The following RARS2 variants were observed in gnomAD, a reference collection of about 807,000 sequenced individuals.
RARS2 encodes the protein arginyl-tRNA synthetase 2, mitochondrial, also known as probable arginine--tRNA ligase, mitochondrial.
RARS2 carries 67 observed loss-of-function variants against 88.5 expected under a neutral mutation model. The ratio of observed to expected loss-of-function variants is 0.76; its 90% CI spans 0.62 to 0.93. RARS2 has a LOEUF of 0.93. Among genes scored for constraint, RARS2 ranks in the 40% least tolerant of loss-of-function variants. The pLI, the probability that RARS2 is intolerant of heterozygous loss-of-function variation, is 0.00. For synonymous variants in RARS2, 239 were observed against 230.3 expected (o/e 1.04, Z -0.34); for missense variants, 664 against 684.2 (o/e 0.97, Z 0.33).
chr6:87,516,552 C>T (rs1582240872), intron 18 of RARS2, among the ~76,000 whole-genome samples: 1 of 152,360 alleles, frequency 6.6e-6, no homozygotes, highest in East Asian at 1.9e-4. Flanking sequence ...CTCTTACGTT[C>T]ACTCTAACAT....
At chr6:87,524,739 G>A in intron 10 of RARS2, 87 bp from the exon 11 acceptor site, 8 of 1,007,458 alleles carry the variant, frequency 7.9e-6, no homozygotes, top group Non-Finnish European at 1.2e-5. Context: ...CAAACCAGAA[G>A]CTATTTTTAT....
intron 1 of RARS2, among the ~76,000 whole-genome samples, chr6:87,586,667 T>C (rs1003731909): frequency 6.6e-6 from 1 of 152,250 alleles, no homozygotes; most frequent in Non-Finnish European, 1.5e-5. Flanking sequence ...GACTAATTAA[T>C]CAAAGTTAGC....
At chr6:87,516,015 T>C (rs1025316401) in intron 18 of RARS2, 3 of 151,436 alleles carry the variant, frequency 2.0e-5, no homozygotes, top group African/African-American at 7.3e-5. Flanking sequence ...TTAAGTGTCA[T>C]TTAAAGGAAG....
intron 4 of RARS2, among the ~76,000 whole-genome samples, chr6:87,559,060 A>G (rs1786949512): frequency 6.6e-6 from 1 of 152,210 alleles, no homozygotes; most frequent in Non-Finnish European, 1.5e-5. Flanking sequence ...CTTTTAACAA[A>G]AAAGTCTAAA....
chr6:87,519,591 G>A lies in RARS2; in HGVS notation c.1229C>T (p.Ser410Leu), dbSNP rs753129516. 5.0e-6 allele frequency: 8 copies of A among 1,612,180 alleles called. No individual in the cohort carries two copies. In the South Asian group the frequency reaches 8.8e-5, roughly 18 times the overall value. The stretch of plus-strand genomic sequence containing the variant: ...GAAAAAACTGAATTCACTCTTAATT[G>A]AAGCCATGTTCTGTAGCATCCTTAA... ...IQLRMLQNMA[S>L]IKTTKELKNP... Residue 410 changes from serine (S) to leucine (L), a missense_variant, in exon 14 of 20, where the codon TCA (serine) becomes TTA (leucine). Ser to Leu is a moderately radical substitution (Grantham distance 145). Transcript: ENST00000369536.
chr6:87,575,900 G>C (rs912071996), intron 1 of RARS2, among the ~76,000 whole-genome samples: 1 of 150,494 alleles, frequency 6.6e-6, no homozygotes, highest in Non-Finnish European at 1.5e-5. Flanking sequence ...TGCAACCTCT[G>C]CCTCCTGGGT....
intron 5 of RARS2, among the ~76,000 whole-genome samples, chr6:87,553,226 G>A (rs2128138540): frequency 6.6e-6 from 1 of 151,904 alleles, no homozygotes; most frequent in African/African-American, 2.4e-5. Flanking sequence ...GAGAGAGAGA[G>A]ATGCCTGGCT....
intron 1 of RARS2, among the ~76,000 whole-genome samples, chr6:87,574,849 A>G (rs919210275): frequency 2.0e-5 from 3 of 152,200 alleles, no homozygotes; most frequent in African/African-American, 4.8e-5. Flanking sequence ...ATTAAGAAAC[A>G]TAACAGTATA....
At chr6:87,578,162 T>C (rs1337510580) in intron 1 of RARS2, among the ~76,000 whole-genome samples, 2 of 149,616 alleles carry the variant, frequency 1.3e-5, no homozygotes, top group Admixed American at 6.7e-5. Context: ...CAAAACAGCA[T>C]TTCAGTAATG....
chr6:87,517,872 A>C (rs913846877), intron 17 of RARS2, among the ~76,000 whole-genome samples: 9 of 152,276 alleles, frequency 5.9e-5, no homozygotes, highest in South Asian at 4.2e-4. Flanking sequence ...TTCTCAAACT[A>C]AAACTAAAAA....
rs546492075 is a variant in RARS2 at position 87,565,937 on chromosome 6, T to C, written c.111-1705A>G. ...TAAAAATTCCTGTGTGACTTCTGGT[T>C]AACATCACATTTAAAAACCCAGTCC... On this transcript the variant is annotated intron_variant, in intron 2 of 19. Coordinates refer to ENST00000369536, the MANE Select transcript of RARS2 (RefSeq NM_020320.5). 1.4e-4 allele frequency among the ~76,000 whole-genome samples: 21 copies of C among 152,344 alleles called. No individual in the cohort carries two copies. In the South Asian group the frequency reaches 4.3e-3, roughly 32 times the overall value.
rs769045045 is a variant in RARS2 at position 87,545,634 on chromosome 6, C to A, written c.517G>T (p.Asp173Tyr). 1.9e-6 allele frequency: 3 copies of A among 1,613,758 alleles called. No individual in the cohort carries two copies. In the Admixed American group the frequency reaches 5.0e-5, roughly 27 times the overall value. The change falls in exon 7 of 20, where the codon GAT becomes TAT. Residue 173 changes from aspartate to tyrosine, a missense_variant. Asp to Tyr is a radical substitution (Grantham distance 160, BLOSUM62 -3). Transcript: ENST00000369536. ...HQVIRINYLG[D>Y]WGMQFGLLGT... Reference sequence around the variant, plus strand: ...TACTTACCAAACTGCATGCCCCAATCGCCAAGGTAATTTATTCTTATTACT... The same window carrying A: ...TACTTACCAAACTGCATGCCCCAATAGCCAAGGTAATTTATTCTTATTACT...
chr6:87,571,285 G>C (rs894271279), intron 1 of RARS2, among the ~76,000 whole-genome samples: 2 of 152,162 alleles, frequency 1.3e-5, no homozygotes, highest in African/African-American at 4.8e-5. Context: ...GCCATGTGAA[G>C]AATGTGTCTG....
intron 6 of RARS2, among the ~76,000 whole-genome samples, chr6:87,546,488 A>T (rs1004137002): frequency 6.6e-6 from 1 of 152,122 alleles, no homozygotes. Flanking sequence ...TTGAAAGTAT[A>T]TGGGGCTGCC....
At chr6:87,575,579 T>C (rs1476426462) in intron 1 of RARS2, among the ~76,000 whole-genome samples, 1 of 152,018 alleles carries the variant, frequency 6.6e-6, no homozygotes, top group African/African-American at 2.4e-5. Context: ...AATAAGTGAA[T>C]GGAAGCACAC....
At chr6:87,522,736 C>T (rs570640009) in intron 11 of RARS2, among the ~76,000 whole-genome samples, 85 of 152,154 alleles carry the variant, frequency 5.6e-4, no homozygotes, top group Middle Eastern at 3.4e-3. Flanking sequence ...GGTGATCTAC[C>T]CTCCTCGTCC....
At chr6:87,530,246 C>T (rs140062803) in intron 9 of RARS2, among the ~76,000 whole-genome samples, 1,764 of 152,264 alleles carry the variant, frequency 0.012, 18 homozygotes, top group Non-Finnish European at 0.017. Flanking sequence ...CTTACTTACT[C>T]CAGTCACACG....
intron 8 of RARS2, among the ~76,000 whole-genome samples, chr6:87,533,981 A>C (rs1277335273): frequency 6.6e-6 from 1 of 152,200 alleles, no homozygotes; most frequent in African/African-American, 2.4e-5. Context: ...TAGAAACCAC[A>C]GACCCTTTTT....
chr6:87,528,101 C>T (rs919707733), intron 10 of RARS2, among the ~76,000 whole-genome samples: 5 of 150,894 alleles, frequency 3.3e-5, no homozygotes, highest in African/African-American at 1.2e-4. Context: ...CCCGTATAGA[C>T]ATTTCTCCAA....
Sources: allele counts gnomAD v4.1 joint callset (sites outside exome capture counted in the v4.1 genomes callset), GRCh38; gene constraint gnomAD v4.1.1; transcripts MANE v1.5; gene names NCBI Gene and HGNC (gene_info 2026-07-23, HGNC 2026-07-21).